Variants in EPHB2 observed in about 807,000 individuals in gnomAD.
EPHB2 encodes EPH receptor B2.
Under a neutral mutation model 96.4 loss-of-function variants are expected in EPHB2, and 18 were observed. The observed-to-expected ratio is 0.19, with a 90% CI of 0.13 to 0.28. EPHB2 has a LOEUF of 0.28. EPHB2 is among the 10% of genes least tolerant of loss of function. EPHB2 has a pLI of 1.00. For missense variants in EPHB2, 989 were observed against 1,355.4 expected, an observed-to-expected ratio of 0.73 and a Z score of 4.25; for synonymous variants, 506 against 534.1, an observed-to-expected ratio of 0.95 and a Z score of 0.72.
At chr1:22,836,507 G>T (rs545621878) in intron 3 of EPHB2, among the ~76,000 whole-genome samples, 1 of 152,358 alleles carries the variant, frequency 6.6e-6, no homozygotes, top group Admixed American at 6.5e-5. Context: ...GCATGCAGGA[G>T]GGAGTGCGTA....
At chr1:22,763,385 A>G (rs1293831087) in intron 1 of EPHB2, among the ~76,000 whole-genome samples, 1 of 152,098 alleles carries the variant, frequency 6.6e-6, no homozygotes, top group Non-Finnish European at 1.5e-5. Flanking sequence ...CCATCCCTCC[A>G]GGACAGAAAC....
At chr1:22,821,712 G>A (rs1021401259) in intron 3 of EPHB2, among the ~76,000 whole-genome samples, 2 of 152,162 alleles carry the variant, frequency 1.3e-5, no homozygotes, top group African/African-American at 4.8e-5. Context: ...GCCCTTTGGG[G>A]CTTCTGTTAA....
chr1:22,913,371 C>T lies in EPHB2; in HGVS notation c.2853-91C>T. The T allele has an allele frequency of 1.3e-6, 2 of 1,528,904 alleles. No homozygotes were observed. The highest frequency in any genetic ancestry group is 1.8e-6 in the Non-Finnish European group (2 of 1,123,726). 94.7% of individuals were successfully genotyped at this position (1,528,904 alleles called of 1,614,324 possible). A position where few individuals can be genotyped will look rare whatever the true frequency, so the allele number is the denominator to read the frequency against. On this transcript the variant is annotated intron_variant, in intron 15 of 15. Transcript: ENST00000374630. The surrounding 1 kb of genome is among the most constrained non-coding windows in gnomAD (Gnocchi z 4.1). ...TCCCCAGTACTCCTTGCTTTGCCAT[C>T]TTCCTCCCGGGGAAGCCCAGGCAGC... is the stretch of plus-strand genomic sequence containing the variant.
At chr1:22,891,355 G>A (rs939238740) in intron 6 of EPHB2, 6 of 346,766 alleles carry the variant, frequency 1.7e-5, no homozygotes, top group African/African-American at 1.1e-4. Flanking sequence ...AACTAGGTGT[G>A]TGTTTTTCTG....
intron 1 of EPHB2, among the ~76,000 whole-genome samples, chr1:22,762,842 G>A (rs551819433): frequency 5.3e-5 from 8 of 152,248 alleles, no homozygotes; most frequent in South Asian, 2.1e-4. Context: ...TGAACTCTGC[G>A]CTGGCTGCAG....
At chr1:22,729,575 C>T (rs1054930521) in intron 1 of EPHB2, among the ~76,000 whole-genome samples, 1 of 152,156 alleles carries the variant, frequency 6.6e-6, no homozygotes, top group Non-Finnish European at 1.5e-5. Context: ...CTTGCAATTC[C>T]TAGACTCTTC....
intron 3 of EPHB2, among the ~76,000 whole-genome samples, chr1:22,811,331 C>G (rs1484373568): frequency 6.6e-6 from 1 of 152,158 alleles, no homozygotes; most frequent in Non-Finnish European, 1.5e-5. Flanking sequence ...TTTAATTCCT[C>G]GGACCCTAAT....
chr1:22,782,397 T>C (rs1230112252), intron 2 of EPHB2, among the ~76,000 whole-genome samples: 1 of 150,866 alleles, frequency 6.6e-6, no homozygotes, highest in Admixed American at 6.6e-5. Context: ...AACCCAGCCC[T>C]TCCCTTCCCC....
chr1:22,803,292 G>T (rs548937667), intron 3 of EPHB2, among the ~76,000 whole-genome samples: 1 of 152,214 alleles, frequency 6.6e-6, no homozygotes, highest in South Asian at 2.1e-4. Context: ...GCAGCCACTG[G>T]ATGTTCAGGA....
At chr1:22,811,819 G>A (rs1033335068) in intron 3 of EPHB2, among the ~76,000 whole-genome samples, 7 of 152,288 alleles carry the variant, frequency 4.6e-5, no homozygotes, top group Non-Finnish European at 7.4e-5. Context: ...CAGGAGGATC[G>A]TGTGAGTCCC....
rs1285046908 is a variant in EPHB2 at position 22,914,760 on chromosome 1, G to C, written c.*1190G>C. The C allele has an allele frequency of 6.6e-6, 1 of 152,642 alleles. No individual in the cohort carries two copies. The highest frequency in any genetic ancestry group is 1.5e-5 in the Non-Finnish European group (1 of 68,058). 9.5% of individuals were successfully genotyped at this position (152,642 alleles called of 1,614,324 possible). A position where few individuals can be genotyped will look rare whatever the true frequency, so the allele number is the denominator to read the frequency against. On this transcript the variant is annotated 3_prime_UTR_variant, in exon 16 of 16. Transcript: ENST00000374630. ...CCACCAGGCCTCACCAAAGCCCACT[G>C]CCATGGGGCCATCTGGGCCATTCAG...
In EPHB2 at chr1:22,913,184, C is replaced by T. The variant is rs1210224713; in HGVS notation, c.2853-278C>T. 2.0e-6 allele frequency: 1 copy of T among 504,672 alleles called. No homozygotes were observed. Among genetic ancestry groups the T allele is most frequent in the Admixed American group, 3.2e-5 (1 of 31,040 alleles). 31.3% of individuals were successfully genotyped at this position (504,672 alleles called of 1,614,324 possible). ...CACCAGCCTGGGTGACAGAGCGAGA[C>T]TCTGTCTCGAAAAAGAAAGAAAATG... On this transcript the variant is annotated intron_variant, in intron 15 of 15. Transcript: ENST00000374630. This position sits in a 1 kb window ranked among gnomAD's most constrained non-coding sequence, Gnocchi z 4.1.
chr1:22,775,714 G>T (rs534385261), intron 1 of EPHB2, among the ~76,000 whole-genome samples: 11 of 152,362 alleles, frequency 7.2e-5, no homozygotes, highest in Admixed American at 2.0e-4. Flanking sequence ...CTTCTGTGCA[G>T]CCTCCAGGAA....
intron 1 of EPHB2, among the ~76,000 whole-genome samples, chr1:22,751,971 C>T (rs1011594336): frequency 6.6e-6 from 1 of 152,222 alleles, no homozygotes; most frequent in Non-Finnish European, 1.5e-5. Flanking sequence ...GAGTTCCACC[C>T]TGTGCACAGT....
chr1:22,910,733 G>A (rs1302455228), intron 14 of EPHB2, among the ~76,000 whole-genome samples, 158 bp downstream of exon 14: 1 of 152,226 alleles, frequency 6.6e-6, no homozygotes. Flanking sequence ...TGCCTTAGGG[G>A]TGCAGGAGAG....
intron 1 of EPHB2, among the ~76,000 whole-genome samples, chr1:22,737,829 C>T (rs1304529938): frequency 6.6e-6 from 1 of 152,176 alleles, no homozygotes; most frequent in Non-Finnish European, 1.5e-5. Context: ...AAAATAACTT[C>T]CCCCTCTATC....
Position 22,807,961 on chromosome 1 carries a change from C to G in EPHB2, c.811+22885C>G, listed in dbSNP as rs2817877. Among the ~76,000 whole-genome samples, 354 of 152,208 alleles carry G rather than the reference C, an allele frequency of 2.3e-3. 2 individuals are homozygous for G. The highest frequency in any genetic ancestry group is 8.1e-3 in the African/African-American group (337 of 41,518). ...CCAGCCTGGCCAACATGGTGAAACCCTGTCTCTACTAAAAATGCAAAAATT... is the reference window on the plus strand; with the variant it reads ...CCAGCCTGGCCAACATGGTGAAACCGTGTCTCTACTAAAAATGCAAAAATT... On this transcript the variant is annotated intron_variant, in intron 3 of 15. Transcript: ENST00000374630.
chr1:22,821,960 G>A (rs561886545), intron 3 of EPHB2, among the ~76,000 whole-genome samples: 2 of 152,234 alleles, frequency 1.3e-5, no homozygotes, highest in South Asian at 2.1e-4. Flanking sequence ...CTTGTGGAAG[G>A]GGCAATGGAT....
At chr1:22,848,929 C>T (rs998619242) in intron 3 of EPHB2, among the ~76,000 whole-genome samples, 10 of 152,044 alleles carry the variant, frequency 6.6e-5, no homozygotes, top group African/African-American at 9.7e-5. Context: ...TGTCCATGTG[C>T]GCTGGGGATG....
Sources: allele counts gnomAD v4.1 joint callset (sites outside exome capture counted in the v4.1 genomes callset), GRCh38; gene constraint gnomAD v4.1.1; non-coding constraint Gnocchi (gnomAD v3.1); transcripts MANE v1.5; gene names NCBI Gene and HGNC (gene_info 2026-07-23, HGNC 2026-07-21).